Variants in ZZEF1 observed in about 807,000 individuals in gnomAD.
The protein encoded by ZZEF1 is zinc finger ZZ-type and EF-hand domain containing 1, also known as zinc finger ZZ-type and EF-hand domain-containing protein 1.
ZZEF1 carries 157 observed loss-of-function variants against 342.8 expected under a neutral mutation model. That is an observed-to-expected ratio of 0.46 (90% CI 0.40 to 0.52). ZZEF1 has a LOEUF of 0.52. Ranked by LOEUF, ZZEF1 falls within the 20% of genes least tolerant of loss-of-function variation. ZZEF1 has a pLI of 0.00. For synonymous variants in ZZEF1, 1,505 were observed against 1,429.1 expected (o/e 1.05, Z -1.20); for missense variants, 3,480 against 3,725.6 (o/e 0.93, Z 1.72).
In ZZEF1 at chr17:4,123,960, T is replaced by C. The variant is rs2058532564; in HGVS notation, c.446A>G (p.Gln149Arg). The change falls in exon 2 of 55, where the codon CAG (glutamine) becomes CGG (arginine). Residue 149 changes from glutamine to arginine, a missense_variant. Gln to Arg is a conservative substitution (Grantham distance 43, BLOSUM62 1). Around this residue, in one of 5 missense-constraint regions of ZZEF1, gnomAD observed 416 missense variants for 374.2 expected, o/e 1.11. Transcript: ENST00000381638. ...ALKNSSGANL[Q>R]GELSHIIRQL... is the part of the protein sequence containing the mutation. ...TCTGATGATGTGGCTCAGCTCCCCCTGAAGATTAGCTCCACTGGAATTCTT... is the reference window on the plus strand; with the variant it reads ...TCTGATGATGTGGCTCAGCTCCCCCCGAAGATTAGCTCCACTGGAATTCTT... The C allele has an allele frequency of 3.1e-6, 5 of 1,614,042 alleles. No individual in the cohort carries two copies. In the South Asian group the frequency reaches 3.3e-5, roughly 11 times the overall value.
Position 4,112,812 on chromosome 17 carries a change from G to A in ZZEF1, c.867-4C>T. ...AACATCTGGCTTCATTTTTAAACTG[G>A]AAAACACAAAAAGCAGAAATTACAA... On this transcript the variant is annotated splice_polypyrimidine_tract_variant and splice_region_variant and intron_variant, in intron 4 of 54. Coordinates refer to ENST00000381638, the MANE Select transcript of ZZEF1 (RefSeq NM_015113.4). 6.5e-7 allele frequency: 1 copy of A among 1,547,978 alleles called. No homozygotes were observed. The highest frequency in any genetic ancestry group is 2.3e-5 in the East Asian group (1 of 44,026).
intron 11 of ZZEF1, 131 bp from the exon 12 acceptor site, chr17:4,090,961 G>A (rs905320255): frequency 3.0e-6 from 2 of 674,422 alleles, no homozygotes; most frequent in Non-Finnish European, 5.3e-6. Context: ...AGCTGACTAT[G>A]GTACATGGTA....
rs1284020086 is a variant in ZZEF1 at position 4,086,622 on chromosome 17, C to T, written c.2376G>A (p.Leu792=). The change falls in exon 15 of 55, where the codon CTG becomes CTA. Residue 792 remains leucine (L), a synonymous_variant. Coordinates refer to ENST00000381638, the MANE Select transcript of ZZEF1 (RefSeq NM_015113.4). ...PREECVSAQT[L]LLQLLQSCFS... ...AGCAGCTCTGGAGTAGCTGCAGAAG[C>T]AGGGTTTGGGCAGAGACGCATTCTT... is the stretch of plus-strand genomic sequence containing the variant. 1 of 1,614,102 alleles carries T rather than the reference C, an allele frequency of 6.2e-7. No homozygotes were observed.
chr17:4,117,904 CCA>C (rs1266658045), intron 2 of ZZEF1, among the ~76,000 whole-genome samples: 4 of 152,110 alleles, frequency 2.6e-5, no homozygotes, highest in African/African-American at 4.8e-5. Flanking sequence ...ACTGCCATTA[CCA>C]CAGTTTCCAA....
At chr17:4,025,229 A>G (rs2056377120) in intron 42 of ZZEF1, 111 bp from the exon 43 acceptor site, 2 of 1,059,794 alleles carry the variant, frequency 1.9e-6, no homozygotes, top group Non-Finnish European at 1.4e-6. Flanking sequence ...CTGCAGAAAC[A>G]TAAATCTCTC....
At chr17:4,050,647 C>CA in intron 36 of ZZEF1, 134 bp downstream of exon 36, 1 of 1,298,768 alleles carries the variant, frequency 7.7e-7, no homozygotes, top group Non-Finnish European at 1.1e-6. Context: ...TTAAGTTCCA[C>CA]ACCAGGGTAA....
At chr17:4,074,375 G>A in intron 23 of ZZEF1, 24 bp from the exon 24 acceptor site, 1 of 1,612,772 alleles carries the variant, frequency 6.2e-7, no homozygotes, top group Non-Finnish European at 8.5e-7. Flanking sequence ...GAAATCATGT[G>A]GTCAGACAGA....
chr17:4,066,444 C>T lies in ZZEF1; in HGVS notation c.4249+3G>A, dbSNP rs377526315. On this transcript the variant is annotated splice_donor_region_variant and intron_variant, in intron 28 of 54. Transcript: ENST00000381638. ...GGACAACAGCTGGTGTTAGCACACT[C>T]ACCCAGGCTCTCAGGGTTCACCTCA... 3 of 1,613,888 alleles carry T rather than the reference C, an allele frequency of 1.9e-6. No homozygotes were observed. The African/African-American group carries it at 4.0e-5, about 22-fold the overall frequency.
intron 24 of ZZEF1, among the ~76,000 whole-genome samples, chr17:4,073,269 T>G (rs1045519573): frequency 7.2e-5 from 11 of 152,268 alleles, no homozygotes; most frequent in African/African-American, 2.4e-4. Flanking sequence ...TAAGGATGAT[T>G]CTATTTTCCT....
chr17:4,028,422 C>T (rs150303732), intron 42 of ZZEF1, among the ~76,000 whole-genome samples: 1 of 152,064 alleles, frequency 6.6e-6, no homozygotes, highest in Non-Finnish European at 1.5e-5. Context: ...GTGGCAGATG[C>T]CTGTAATCCC....
At chr17:4,026,176 A>C (rs1399668462) in intron 42 of ZZEF1, among the ~76,000 whole-genome samples, 1 of 152,226 alleles carries the variant, frequency 6.6e-6, no homozygotes, top group Non-Finnish European at 1.5e-5. Flanking sequence ...CAGTAGACAG[A>C]ACAATTCCTG....
At chr17:4,022,149 A>G (rs2056287467) in intron 44 of ZZEF1, among the ~76,000 whole-genome samples, 1 of 151,966 alleles carries the variant, frequency 6.6e-6, no homozygotes, top group South Asian at 2.1e-4. Flanking sequence ...ATGGCCGCTC[A>G]CTCCCTCCTA....
chr17:4,054,572 TGACA>T (rs1295216043), intron 33 of ZZEF1, among the ~76,000 whole-genome samples: 4 of 152,164 alleles, frequency 2.6e-5, no homozygotes, highest in Non-Finnish European at 5.9e-5. Context: ...ATAGCAAATT[TGACA>T]GACAGCAAAA....
At chr17:4,048,319 A>C (rs1229650247) in intron 37 of ZZEF1, among the ~76,000 whole-genome samples, 1 of 152,158 alleles carries the variant, frequency 6.6e-6, no homozygotes, top group African/African-American at 2.4e-5. Context: ...AAAAATGTTG[A>C]TGTTTCTGCT....
chr17:4,033,802 G>A (rs973164323), intron 40 of ZZEF1: 59 of 610,554 alleles, frequency 9.7e-5, no homozygotes, highest in Non-Finnish European at 1.4e-4. Context: ...AGCCAGTGTC[G>A]AGACTGCTCA....
chr17:4,102,940 C>G (rs976957917), intron 8 of ZZEF1, among the ~76,000 whole-genome samples: 1 of 151,972 alleles, frequency 6.6e-6, no homozygotes, highest in Non-Finnish European at 1.5e-5. Context: ...CTATGATGAT[C>G]TGAAAATGTT....
At chr17:4,010,589 G>A (rs1313653697) in intron 52 of ZZEF1, among the ~76,000 whole-genome samples, 2 of 151,506 alleles carry the variant, frequency 1.3e-5, no homozygotes, top group Non-Finnish European at 2.9e-5. Context: ...GCTGAGCGTG[G>A]TGGTGGGCGC....
At chr17:4,114,831 G>A (rs577660648) in intron 3 of ZZEF1, among the ~76,000 whole-genome samples, 4 of 152,160 alleles carry the variant, frequency 2.6e-5, no homozygotes, top group Admixed American at 6.5e-5. Flanking sequence ...GGTAAATTAC[G>A]GTTTGAATTT....
chr17:4,020,183 G>A (rs1410573287), intron 45 of ZZEF1, among the ~76,000 whole-genome samples: 1 of 152,182 alleles, frequency 6.6e-6, no homozygotes, highest in Non-Finnish European at 1.5e-5. Context: ...AGGCTGGAGT[G>A]CAGTGGTGTG....
Sources: gnomAD v4.1 joint callset for allele counts (sites outside exome capture counted in the v4.1 genomes callset) on GRCh38, gnomAD v4.1.1 for gene constraint, gnomAD v4.1.1 regional missense constraint, MANE v1.5 for transcripts, NCBI Gene and HGNC (gene_info 2026-07-23, HGNC 2026-07-21) for gene names.